KLHDC1: variants seen among roughly 807,000 people sequenced by gnomAD.
The protein encoded by KLHDC1 is kelch domain-containing protein 1.
A neutral mutation model predicts 68.3 loss-of-function variants in KLHDC1; 53 were observed. That is an observed-to-expected ratio of 0.78 (90% CI 0.62 to 0.98). The LOEUF (loss-of-function observed/expected upper bound fraction) is 0.98, where lower values mean the gene tolerates loss of function less well. Ranked by LOEUF, KLHDC1 falls within the 50% of genes least tolerant of loss-of-function variation. The probability of loss-of-function intolerance (pLI) is 0.00; values close to 1 mark genes in which losing one functional copy is unlikely to be tolerated. For missense variants in KLHDC1, 470 were observed against 492.3 expected, an observed-to-expected ratio of 0.95 and a Z score of 0.43; for synonymous variants, 148 against 159.0, an observed-to-expected ratio of 0.93 and a Z score of 0.52.
intron 10 of KLHDC1, among the ~76,000 whole-genome samples, chr14:49,736,523 A>C (rs1870105129): frequency 6.6e-6 from 1 of 152,172 alleles, no homozygotes; most frequent in Non-Finnish European, 1.5e-5. Context: ...GATACAGTTG[A>C]GTGTAAGGAG....
At position 49,740,173 on chromosome 14, in the gene KLHDC1, C is replaced by T. The variant is rs1889026233; in HGVS notation, c.972C>T (p.Ala324=). The T allele has an allele frequency of 6.3e-7, 1 of 1,590,278 alleles. No homozygotes were observed. The highest frequency in any genetic ancestry group is 8.6e-7 in the Non-Finnish European group (1 of 1,160,200). Reference sequence around the variant, plus strand: ...GTGGGAGCAAAGATGACTTACTTGCCTTGGATACAGTAAGAAAATCTTATA... The same window carrying T: ...GTGGGAGCAAAGATGACTTACTTGCTTTGGATACAGTAAGAAAATCTTATA... ...VFGGSKDDLL[A]LDTGHCNDLL... Residue 324 remains alanine (A), a synonymous_variant, in exon 11 of 13, where the codon GCC becomes GCT. Coordinates refer to ENST00000359332, the MANE Select transcript of KLHDC1 (RefSeq NM_172193.3).
chr14:49,743,763 A>G lies in KLHDC1; in HGVS notation c.992A>G (p.Asn331Ser). ...TTTTGTGTTGATTAGGGTCACTGTA[A>G]TGATTTATTGATCTTTCAAACACAG... is the stretch of plus-strand genomic sequence containing the variant. ...DLLALDTGHC[N>S]DLLIFQTQPY... Residue 331 changes from asparagine (N) to serine (S), a missense_variant, in exon 12 of 13, where the codon AAT becomes AGT. Transcript: ENST00000359332. The G allele has an allele frequency of 1.9e-6, 3 of 1,592,878 alleles. No homozygotes were observed. Among genetic ancestry groups the G allele is most frequent in the Non-Finnish European group, 1.7e-6 (2 of 1,164,304 alleles).
intron 1 of KLHDC1, among the ~76,000 whole-genome samples, chr14:49,698,903 C>T (rs1391521718): frequency 1.3e-5 from 2 of 151,630 alleles, no homozygotes; most frequent in East Asian, 1.9e-4. Flanking sequence ...TGGTGGCTCA[C>T]GCCTGTAATC....
intron 1 of KLHDC1, among the ~76,000 whole-genome samples, chr14:49,702,250 T>C (rs1185223284): frequency 2.0e-5 from 3 of 150,566 alleles, no homozygotes; most frequent in Admixed American, 6.6e-5. Flanking sequence ...AATACAAATA[T>C]ACAAACAAAG....
intron 4 of KLHDC1, among the ~76,000 whole-genome samples, chr14:49,715,335 A>G (rs1407682748): frequency 6.6e-6 from 1 of 151,486 alleles, no homozygotes; most frequent in African/African-American, 2.4e-5. Flanking sequence ...GTTGGCAAGG[A>G]TGGTTTTGAT....
intron 3 of KLHDC1, 46 bp downstream of exon 3, chr14:49,709,872 A>G (rs199627847): frequency 4.2e-5 from 38 of 903,140 alleles, no homozygotes; most frequent in Non-Finnish European, 5.8e-5. Flanking sequence ...GTAATATTTA[A>G]TGCATCATTT....
intron 1 of KLHDC1, chr14:49,708,305 C>G (rs979912935): frequency 1.3e-5 from 2 of 151,642 alleles, no homozygotes; most frequent in African/African-American, 4.9e-5. Flanking sequence ...AACTCCTAAC[C>G]TCAGGTCATC....
intron 4 of KLHDC1, among the ~76,000 whole-genome samples, chr14:49,719,988 ATTT>A (rs71441254): frequency 1.6e-4 from 21 of 130,646 alleles, no homozygotes; most frequent in Non-Finnish European, 2.0e-4. Context: ...CACCAAGCTC[ATTT>A]TTTTTTTTTT....
chr14:49,746,578 A>G (rs1889204442), intron 12 of KLHDC1, among the ~76,000 whole-genome samples: 1 of 152,166 alleles, frequency 6.6e-6, no homozygotes, highest in African/African-American at 2.4e-5. Flanking sequence ...ATTTTCCCTC[A>G]TCTCCATTTT....
At chr14:49,718,991 C>G (rs1048303653) in intron 4 of KLHDC1, among the ~76,000 whole-genome samples, 1 of 151,832 alleles carries the variant, frequency 6.6e-6, no homozygotes, top group African/African-American at 2.4e-5. Context: ...GTTGGCCAAA[C>G]TGGTCTCTAA....
chr14:49,710,410 A>G (rs760016806), intron 4 of KLHDC1, 29 bp downstream of exon 4: 19 of 1,113,846 alleles, frequency 1.7e-5, no homozygotes, highest in Non-Finnish European at 2.5e-5. Context: ...TTAATGCATT[A>G]TGTCTACCTA....
intron 6 of KLHDC1, among the ~76,000 whole-genome samples, chr14:49,727,557 G>C (rs1045918324): frequency 6.6e-6 from 1 of 152,160 alleles, no homozygotes; most frequent in Non-Finnish European, 1.5e-5. Flanking sequence ...GTAAGTATTA[G>C]AGTTTGGCCA....
rs565929522 is a variant in KLHDC1 at position 49,745,182 on chromosome 14, T to G, written c.1034+1377T>G. On this transcript the variant is annotated intron_variant, in intron 12 of 12. Transcript: ENST00000359332. ...AGGAGTATACTGTGACATTTAGATG[T>G]TCTATAACATGAACCACCTGAAAAC... 3.3e-5 allele frequency among the ~76,000 whole-genome samples: 5 copies of G among 152,278 alleles called. No individual in the cohort carries two copies. The South Asian group carries it at 1.0e-3, about 32-fold the overall frequency.
chr14:49,698,104 G>A (rs756375977), intron 1 of KLHDC1, among the ~76,000 whole-genome samples: 1 of 152,174 alleles, frequency 6.6e-6, no homozygotes, highest in Non-Finnish European at 1.5e-5. Flanking sequence ...CACCTGTAGA[G>A]GTGTCTGCTC....
intron 9 of KLHDC1, 36 bp from the exon 10 acceptor site, chr14:49,734,553 C>A: frequency 8.0e-7 from 1 of 1,251,600 alleles, no homozygotes. Flanking sequence ...ATCCCAGAGA[C>A]CTAATCTTAA....
chr14:49,744,585 A>C (rs571290892), intron 12 of KLHDC1, among the ~76,000 whole-genome samples: 3 of 152,262 alleles, frequency 2.0e-5, no homozygotes, highest in African/African-American at 7.2e-5. Context: ...ATATAGGGTG[A>C]TGTAGTATTT....
At chr14:49,711,190 A>ATTTG (rs951641177) in intron 4 of KLHDC1, among the ~76,000 whole-genome samples, 2 of 150,164 alleles carry the variant, frequency 1.3e-5, no homozygotes. Context: ...TTATTTATTT[A>ATTTG]TTTGTTTGTT....
intron 4 of KLHDC1, among the ~76,000 whole-genome samples, chr14:49,723,105 A>G (rs1483559474): frequency 6.6e-6 from 1 of 150,722 alleles, no homozygotes; most frequent in African/African-American, 2.4e-5. Flanking sequence ...AAAAAAAAAA[A>G]AAAAAAAAAG....
At chr14:49,702,758 G>A (rs1887943278) in intron 1 of KLHDC1, among the ~76,000 whole-genome samples, 1 of 152,180 alleles carries the variant, frequency 6.6e-6, no homozygotes, top group South Asian at 2.1e-4. Flanking sequence ...CTTGCAGCTA[G>A]GTTGCAGGCA....
Sources: allele counts gnomAD v4.1 joint callset (sites outside exome capture counted in the v4.1 genomes callset), GRCh38; gene constraint gnomAD v4.1.1; transcripts MANE v1.5; gene names NCBI Gene and HGNC (gene_info 2026-07-23, HGNC 2026-07-21).